The following MAPKAP1 variants were observed in gnomAD, a reference collection of about 807,000 sequenced individuals.
MAPKAP1 encodes target of rapamycin complex 2 subunit MAPKAP1.
Under a neutral mutation model 65.7 loss-of-function variants are expected in MAPKAP1, and 20 were observed. The ratio of observed to expected loss-of-function variants is 0.30; its 90% CI spans 0.21 to 0.44. The LOEUF (loss-of-function observed/expected upper bound fraction) is 0.44, where lower values mean the gene tolerates loss of function less well. MAPKAP1 is among the 20% of genes least tolerant of loss of function. MAPKAP1 has a pLI of 1.00. For missense variants in MAPKAP1, 423 were observed against 648.0 expected, an observed-to-expected ratio of 0.65 and a Z score of 3.77; for synonymous variants, 222 against 244.3, an observed-to-expected ratio of 0.91 and a Z score of 0.85.
intron 1 of MAPKAP1, among the ~76,000 whole-genome samples, chr9:125,681,651 C>G (rs1834825433): frequency 6.6e-6 from 1 of 152,214 alleles, no homozygotes; most frequent in African/African-American, 2.4e-5. Context: ...GGGCATGGGA[C>G]AGTGACCATA....
At chr9:125,660,642 A>G (rs893295854) in intron 3 of MAPKAP1, among the ~76,000 whole-genome samples, 1 of 152,144 alleles carries the variant, frequency 6.6e-6, no homozygotes. Flanking sequence ...TCCCACTCCC[A>G]CAGTCTCCTC....
intron 4 of MAPKAP1, among the ~76,000 whole-genome samples, chr9:125,599,339 A>G (rs1832235465): frequency 6.6e-6 from 1 of 152,162 alleles, no homozygotes; most frequent in African/African-American, 2.4e-5. Context: ...CAGTTTTGCC[A>G]GCTAAAATGT....
chr9:125,618,299 G>A (rs972084021), intron 4 of MAPKAP1, among the ~76,000 whole-genome samples: 3 of 121,712 alleles, frequency 2.5e-5, no homozygotes, highest in Non-Finnish European at 4.7e-5. Flanking sequence ...CTGAGATTGC[G>A]CCACTGCACT....
Position 125,506,546 on chromosome 9 carries a change from T to C in MAPKAP1, c.959-129A>G, listed in dbSNP as rs563826800. 5 of 733,310 alleles carry C rather than the reference T, an allele frequency of 6.8e-6. No homozygotes were observed. The South Asian group carries it at 7.0e-5, about 10-fold the overall frequency. 45.4% of individuals were successfully genotyped at this position (733,310 alleles called of 1,614,324 possible). The stretch of plus-strand genomic sequence containing the variant: ...AGTGTTAAAGTCTGTCTTGAGGGTC[T>C]AGCTATCCAGGATGGAAGTTTGGGG... On this transcript the variant is annotated intron_variant, in intron 7 of 11. Transcript: ENST00000265960.
chr9:125,652,279 A>G lies in MAPKAP1; in HGVS notation c.498+5372T>C, dbSNP rs1368039950. 2 of 1,215,638 alleles carry G rather than the reference A, an allele frequency of 1.6e-6. 1 individual carries two copies. The highest frequency in any genetic ancestry group is 3.1e-5 in the South Asian group (2 of 64,276). 75.3% of individuals were successfully genotyped at this position (1,215,638 alleles called of 1,614,324 possible). A position where few individuals can be genotyped will look rare whatever the true frequency, so the allele number is the denominator to read the frequency against. On this transcript the variant is annotated intron_variant, in intron 4 of 11. Transcript: ENST00000265960. Reference sequence around the variant, plus strand: ...AATGCTGAAACAAGAGCAGCATGCAAAAATGTATTTAAGGACTATCATCCC... The same window carrying G: ...AATGCTGAAACAAGAGCAGCATGCAGAAATGTATTTAAGGACTATCATCCC...
At chr9:125,538,983 C>T (rs751465669) in intron 7 of MAPKAP1, among the ~76,000 whole-genome samples, 7 of 152,178 alleles carry the variant, frequency 4.6e-5, no homozygotes, top group Non-Finnish European at 8.8e-5. Context: ...TGTTTACTCC[C>T]CCTCTGCTCC....
chr9:125,556,214 A>G (rs915669053), intron 6 of MAPKAP1, among the ~76,000 whole-genome samples: 25 of 152,238 alleles, frequency 1.6e-4, no homozygotes, highest in Non-Finnish European at 8.8e-5. Flanking sequence ...CAGAAAAGTT[A>G]AATATTCATC....
At position 125,648,936 on chromosome 9, in the gene MAPKAP1, C is replaced by CA. The variant is rs5900666; in HGVS notation, c.498+8714dup. ...AGCCTAGGCGACAGAGACTCTGACTCAAAAAAAAAAAGAAAAGAAAATAAG... is the reference window on the plus strand; with the variant it reads ...AGCCTAGGCGACAGAGACTCTGACTCAAAAAAAAAAAAGAAAAGAAAATAAG... On this transcript the variant is annotated intron_variant, in intron 4 of 11. Transcript: ENST00000265960. Among the ~76,000 whole-genome samples the CA allele has an allele frequency of 9.6e-3, 1,283 of 134,316 alleles. 9 individuals carry two copies. The highest frequency in any genetic ancestry group is 0.011 in the African/African-American group (398 of 36,322). 88.1% of individuals were successfully genotyped at this position (134,316 alleles called of 152,430 possible).
At chr9:125,612,002 T>C (rs1000322084) in intron 4 of MAPKAP1, among the ~76,000 whole-genome samples, 1 of 152,182 alleles carries the variant, frequency 6.6e-6, no homozygotes, top group Admixed American at 6.5e-5. Context: ...TTCTGAAATA[T>C]TTACACTATA....
chr9:125,674,184 T>C (rs1262086431), intron 1 of MAPKAP1, among the ~76,000 whole-genome samples: 5 of 151,756 alleles, frequency 3.3e-5, no homozygotes, highest in Non-Finnish European at 5.9e-5. Context: ...CCTTCATTTA[T>C]AAAATGGAAG....
Position 125,657,796 on chromosome 9 carries a change from T to C in MAPKAP1, c.353A>G (p.Gln118Arg). 1 of 1,612,632 alleles carries C rather than the reference T, an allele frequency of 6.2e-7. No individual in the cohort carries two copies. Among genetic ancestry groups the C allele is most frequent in the Non-Finnish European group, 8.5e-7 (1 of 1,179,542 alleles). ...WKERNSKQSA[Q>R]ELKSLFEKKS... Reference sequence around the variant, plus strand: ...TTTTTCAAACAGTGACTTTAACTCCTGGGCTGTGATACAAGAGGAAGAAAA... The same window carrying C: ...TTTTTCAAACAGTGACTTTAACTCCCGGGCTGTGATACAAGAGGAAGAAAA... Residue 118 changes from glutamine (Q) to arginine (R), a missense_variant, in exon 4 of 12, where the codon CAG becomes CGG. Gln to Arg is a conservative substitution (Grantham distance 43). Coordinates refer to ENST00000265960, the MANE Select transcript of MAPKAP1 (RefSeq NM_001006617.3).
At chr9:125,580,970 T>C (rs1831606254) in intron 5 of MAPKAP1, among the ~76,000 whole-genome samples, 1 of 152,268 alleles carries the variant, frequency 6.6e-6, no homozygotes, top group Non-Finnish European at 1.5e-5. Flanking sequence ...TTGGGTGATA[T>C]GAAACTTTTA....
At chr9:125,550,431 T>C (rs1830553566) in intron 6 of MAPKAP1, among the ~76,000 whole-genome samples, 1 of 152,192 alleles carries the variant, frequency 6.6e-6, no homozygotes, top group South Asian at 2.1e-4. Context: ...TGAAGACACA[T>C]ATTAACTAAA....
intron 6 of MAPKAP1, among the ~76,000 whole-genome samples, chr9:125,555,447 T>C (rs957439664): frequency 6.6e-6 from 1 of 152,148 alleles, no homozygotes; most frequent in Admixed American, 6.6e-5. Flanking sequence ...AAGTCTGTGC[T>C]GCCGCACTTA....
intron 1 of MAPKAP1, among the ~76,000 whole-genome samples, chr9:125,697,928 CA>C (rs1412363330): frequency 6.6e-6 from 1 of 151,810 alleles, no homozygotes; most frequent in Admixed American, 6.6e-5. Flanking sequence ...AACACTCTCA[CA>C]ATATAATCAA....
chr9:125,544,310 A>T (rs1042646729), intron 6 of MAPKAP1, among the ~76,000 whole-genome samples: 1 of 148,586 alleles, frequency 6.7e-6, no homozygotes, highest in Non-Finnish European at 1.5e-5. Context: ...ACCTGGCTGT[A>T]TTTTTTTTTT....
chr9:125,557,624 T>C (rs1830773149), intron 6 of MAPKAP1, among the ~76,000 whole-genome samples: 1 of 148,366 alleles, frequency 6.7e-6, no homozygotes, highest in Non-Finnish European at 1.5e-5. Context: ...ATATAGATAA[T>C]GACCATCATC....
At chr9:125,637,037 G>A (rs1320352288) in intron 4 of MAPKAP1, among the ~76,000 whole-genome samples, 1 of 152,198 alleles carries the variant, frequency 6.6e-6, no homozygotes, top group Non-Finnish European at 1.5e-5. Context: ...GGGAGGCCGA[G>A]GTGGGTGGAT....
chr9:125,528,261 C>T (rs1436896434), intron 7 of MAPKAP1, among the ~76,000 whole-genome samples: 1 of 152,236 alleles, frequency 6.6e-6, no homozygotes, highest in Non-Finnish European at 1.5e-5. Flanking sequence ...CTGAGGGATA[C>T]TGATCTCTGG....
Sources: allele counts gnomAD v4.1 joint callset (sites outside exome capture counted in the v4.1 genomes callset), GRCh38; gene constraint gnomAD v4.1.1; transcripts MANE v1.5; gene names NCBI Gene and HGNC (gene_info 2026-07-23, HGNC 2026-07-21).